NCAM2: variants seen among roughly 807,000 people sequenced by gnomAD.
NCAM2 encodes the protein N-CAM-2.
A neutral mutation model predicts 98.1 loss-of-function variants in NCAM2; 30 were observed. The observed-to-expected ratio is 0.31, with a 90% CI of 0.23 to 0.41. The LOEUF (loss-of-function observed/expected upper bound fraction) is 0.41. Ranked by LOEUF, NCAM2 falls within the 10% of genes least tolerant of loss-of-function variation. The pLI is 1.00. For synonymous variants in NCAM2, 368 were observed against 342.4 expected (o/e 1.07, Z -0.83); for missense variants, 867 against 1,005.8 (o/e 0.86, Z 1.87).
chr21:21,134,819 T>A (rs2067009632), intron 1 of NCAM2, among the ~76,000 whole-genome samples: 1 of 151,526 alleles, frequency 6.6e-6, no homozygotes, highest in African/African-American at 2.4e-5. Context: ...GCTCAAGGGA[T>A]CCTCCCACCT....
intron 8 of NCAM2, among the ~76,000 whole-genome samples, chr21:21,350,309 T>C (rs1447109577): frequency 6.6e-6 from 1 of 152,160 alleles, no homozygotes; most frequent in Admixed American, 6.5e-5. Context: ...ATTTTCAGAG[T>C]TCATCTTCAA....
intron 1 of NCAM2, among the ~76,000 whole-genome samples, chr21:21,260,223 T>G (rs1225382256): frequency 6.6e-6 from 1 of 151,880 alleles, no homozygotes; most frequent in East Asian, 1.9e-4. Context: ...ACCCACGACT[T>G]ATTGGCATTC....
At chr21:21,172,475 C>T (rs576031025) in intron 1 of NCAM2, among the ~76,000 whole-genome samples, 1 of 151,972 alleles carries the variant, frequency 6.6e-6, no homozygotes. Context: ...TGTAAAATGA[C>T]ACTTTAAAAT....
chr21:21,320,871 T>C (rs2074357698), intron 5 of NCAM2, among the ~76,000 whole-genome samples: 1 of 152,296 alleles, frequency 6.6e-6, no homozygotes, highest in Non-Finnish European at 1.5e-5. Flanking sequence ...TTACTATCCA[T>C]GAGTAATAAA....
chr21:21,203,462 A>C (rs1387042835), intron 1 of NCAM2, among the ~76,000 whole-genome samples: 1 of 152,144 alleles, frequency 6.6e-6, no homozygotes, highest in Non-Finnish European at 1.5e-5. Flanking sequence ...TGCCTGTACA[A>C]AGTTCCTTTG....
chr21:21,281,770 C>G (rs1029168505), intron 2 of NCAM2, among the ~76,000 whole-genome samples: 16 of 151,714 alleles, frequency 1.1e-4, no homozygotes, highest in African/African-American at 3.9e-4. Flanking sequence ...CAACTTAAAA[C>G]TGGATTAAAA....
At chr21:21,506,359 T>C (rs1286499642) in intron 15 of NCAM2, among the ~76,000 whole-genome samples, 1 of 152,130 alleles carries the variant, frequency 6.6e-6, no homozygotes, top group Non-Finnish European at 1.5e-5. Flanking sequence ...CATAGGTAAG[T>C]TGATTTCACT....
intron 1 of NCAM2, among the ~76,000 whole-genome samples, chr21:21,181,668 AC>A (rs1182993214): frequency 6.6e-6 from 1 of 152,114 alleles, no homozygotes; most frequent in African/African-American, 2.4e-5. Context: ...CTTTCTGCAG[AC>A]ACTTTCAGAA....
intron 1 of NCAM2, among the ~76,000 whole-genome samples, chr21:21,118,037 A>C (rs1018183583): frequency 1.3e-5 from 2 of 152,224 alleles, no homozygotes; most frequent in African/African-American, 4.8e-5. Flanking sequence ...ATCCTAATGG[A>C]AAATCTCTTG....
chr21:21,514,342 G>T (rs969356022), intron 16 of NCAM2, among the ~76,000 whole-genome samples: 1 of 151,464 alleles, frequency 6.6e-6, no homozygotes, highest in East Asian at 1.9e-4. Context: ...TAGGCATGGT[G>T]GTGGGTGCCT....
chr21:21,438,349 T>A (rs1164081291), intron 12 of NCAM2, among the ~76,000 whole-genome samples: 1 of 152,208 alleles, frequency 6.6e-6, no homozygotes, highest in East Asian at 1.9e-4. Flanking sequence ...CTTAAATAAA[T>A]CATTAACAAA....
chr21:21,055,422 A>G (rs573474818), intron 1 of NCAM2, among the ~76,000 whole-genome samples: 5 of 152,220 alleles, frequency 3.3e-5, no homozygotes, highest in South Asian at 2.1e-4. Flanking sequence ...ACAGAAAACT[A>G]CATTGACTAT....
intron 14 of NCAM2, among the ~76,000 whole-genome samples, chr21:21,476,869 CA>C (rs1289872805): frequency 1.3e-5 from 2 of 151,954 alleles, no homozygotes; most frequent in East Asian, 1.9e-4. Flanking sequence ...TTCTTCCCCC[CA>C]AAAAACTTTA....
At chr21:21,007,749 G>T (rs1285763888) in intron 1 of NCAM2, among the ~76,000 whole-genome samples, 1 of 152,036 alleles carries the variant, frequency 6.6e-6, no homozygotes, top group Non-Finnish European at 1.5e-5. Context: ...GTTTTGGCCG[G>T]GTTCTCTACT....
intron 9 of NCAM2, among the ~76,000 whole-genome samples, chr21:21,401,680 T>C (rs1368968295): frequency 6.6e-6 from 1 of 152,248 alleles, no homozygotes; most frequent in Non-Finnish European, 1.5e-5. Context: ...ATGTGTTTTG[T>C]ATCCATTCAT....
intron 9 of NCAM2, among the ~76,000 whole-genome samples, chr21:21,376,117 T>C (rs2076027890): frequency 1.3e-5 from 2 of 151,356 alleles, no homozygotes; most frequent in South Asian, 4.1e-4. Flanking sequence ...AGTTATAAGA[T>C]AAGAGGGTTT....
At chr21:21,229,969 C>G (rs1420665218) in intron 1 of NCAM2, among the ~76,000 whole-genome samples, 1 of 151,258 alleles carries the variant, frequency 6.6e-6, no homozygotes, top group Non-Finnish European at 1.5e-5. Context: ...AATATATGCA[C>G]AAGAACTGTT....
intron 12 of NCAM2, among the ~76,000 whole-genome samples, chr21:21,465,147 G>A (rs1983512983): frequency 2.0e-5 from 3 of 152,044 alleles, no homozygotes; most frequent in African/African-American, 7.2e-5. Context: ...ATGTCTGGTT[G>A]ATATGTGTGT....
chr21:21,363,563 C>T (rs1362081315), intron 8 of NCAM2, among the ~76,000 whole-genome samples: 1 of 151,926 alleles, frequency 6.6e-6, no homozygotes, highest in Non-Finnish European at 1.5e-5. Context: ...TCTTTAGCTC[C>T]CCTGTCACCA....
Sources: gnomAD v4.1 joint callset for allele counts (sites outside exome capture counted in the v4.1 genomes callset) on GRCh38, gnomAD v4.1.1 for gene constraint, MANE v1.5 for transcripts, NCBI Gene and HGNC (gene_info 2026-07-23, HGNC 2026-07-21) for gene names.